The following ROR1 variants were observed in gnomAD, a reference collection of about 807,000 sequenced individuals.
ROR1 encodes the protein ROR family WNT receptor 1.
A neutral mutation model predicts 78.8 loss-of-function variants in ROR1; 19 were observed. That is an observed-to-expected ratio of 0.24 (90% CI 0.17 to 0.35). The LOEUF (loss-of-function observed/expected upper bound fraction) is 0.35. Ranked by LOEUF, ROR1 falls within the 10% of genes least tolerant of loss-of-function variation. The pLI, the probability that ROR1 is intolerant of heterozygous loss-of-function variation, is 1.00. For missense variants in ROR1, 917 were observed against 1,177.8 expected (o/e 0.78, Z 3.24); for synonymous variants, 386 against 433.6 (o/e 0.89, Z 1.36).
At chr1:63,863,204 T>G (rs1645192433) in intron 1 of ROR1, among the ~76,000 whole-genome samples, 1 of 152,196 alleles carries the variant, frequency 6.6e-6, no homozygotes, top group African/African-American at 2.4e-5. Context: ...AAATAATACC[T>G]TAGTAGAAGC....
chr1:63,858,923 T>C lies in ROR1; in HGVS notation c.91+84415T>C, dbSNP rs147810914. Among the ~76,000 whole-genome samples, 542 of 152,294 alleles carry C rather than the reference T, an allele frequency of 3.6e-3. 3 individuals carry two copies. The highest frequency in any genetic ancestry group is 0.013 in the African/African-American group (522 of 41,554). On this transcript the variant is annotated intron_variant, in intron 1 of 8. Transcript: ENST00000371079. ...GAATAAATGTGAATAAATCAATATA[T>C]TTATATAGTTACTGATTTAAATGTG...
At chr1:64,004,605 A>G (rs1646413286) in intron 1 of ROR1, among the ~76,000 whole-genome samples, 1 of 152,198 alleles carries the variant, frequency 6.6e-6, no homozygotes, top group African/African-American at 2.4e-5. Context: ...AACCTCACGC[A>G]TCACTGAATC....
intron 2 of ROR1, among the ~76,000 whole-genome samples, chr1:64,018,501 C>T (rs1646539277): frequency 6.6e-6 from 1 of 152,182 alleles, no homozygotes; most frequent in Non-Finnish European, 1.5e-5. Context: ...TGTTCCTCCC[C>T]ATGCCAGGTG....
rs550154662 is a variant in ROR1, at chr1:64,137,357, G to A, written c.483-12G>A. ...GGTGCATCAGCTAATGTCTGTCTAT[G>A]CTTTCTTTCAGAGATGAGTATGAAG... On this transcript the variant is annotated splice_polypyrimidine_tract_variant and intron_variant, in intron 4 of 8. Coordinates refer to ENST00000371079, the MANE Select transcript of ROR1 (RefSeq NM_005012.4). The A allele has an allele frequency of 1.9e-6, 3 of 1,613,712 alleles. No individual in the cohort carries two copies. The highest frequency in any genetic ancestry group is 1.7e-5 in the Admixed American group (1 of 60,000).
At chr1:63,829,686 G>A (rs1644974609) in intron 1 of ROR1, among the ~76,000 whole-genome samples, 2 of 152,194 alleles carry the variant, frequency 1.3e-5, no homozygotes, top group Non-Finnish European at 2.9e-5. Context: ...ACAGATAAGT[G>A]GATAGGGATG....
intron 1 of ROR1, among the ~76,000 whole-genome samples, chr1:63,950,964 G>A (rs547934879): frequency 7.2e-5 from 11 of 152,236 alleles, no homozygotes; most frequent in South Asian, 4.1e-4. Context: ...AACCTTCATC[G>A]AACAATACTC....
At chr1:63,802,465 C>A (rs1644803081) in intron 1 of ROR1, among the ~76,000 whole-genome samples, 1 of 152,116 alleles carries the variant, frequency 6.6e-6, no homozygotes, top group Non-Finnish European at 1.5e-5. Flanking sequence ...TTAATTTTTA[C>A]AATGCTCATG....
intron 1 of ROR1, among the ~76,000 whole-genome samples, chr1:63,885,070 C>CAGTG (rs929009824): frequency 2.6e-5 from 4 of 151,980 alleles, no homozygotes; most frequent in Non-Finnish European, 5.9e-5. Context: ...TGTAGGAGTT[C>CAGTG]AGTGGGTTAA....
chr1:63,959,136 G>A (rs764073839), intron 1 of ROR1, among the ~76,000 whole-genome samples: 1 of 152,182 alleles, frequency 6.6e-6, no homozygotes, highest in Non-Finnish European at 1.5e-5. Flanking sequence ...AAGCAAACAT[G>A]TCCTTCTTCA....
intron 1 of ROR1, chr1:63,843,121 G>T (rs1224873824): frequency 3.0e-6 from 2 of 670,256 alleles, no homozygotes; most frequent in African/African-American, 3.6e-5. Context: ...TGGGAGGAAG[G>T]GGACGGCCTG....
At chr1:64,046,394 G>C (rs758513209) in intron 2 of ROR1, among the ~76,000 whole-genome samples, 2 of 152,302 alleles carry the variant, frequency 1.3e-5, no homozygotes, top group South Asian at 2.1e-4. Context: ...TTGTGGCAAG[G>C]CTCCTTTGTT....
chr1:64,050,651 T>G (rs1646821223), intron 3 of ROR1, 35 bp from the exon 4 acceptor site: 1 of 1,607,858 alleles, frequency 6.2e-7, no homozygotes, highest in Non-Finnish European at 8.5e-7. Flanking sequence ...TAACCTAGAC[T>G]GACTGTTTCT....
intron 2 of ROR1, among the ~76,000 whole-genome samples, chr1:64,033,705 A>T (rs1163170047): frequency 1.3e-5 from 2 of 152,216 alleles, no homozygotes; most frequent in Admixed American, 6.5e-5. Flanking sequence ...TACTGTTCTA[A>T]GTACCTTAAG....
intron 1 of ROR1, among the ~76,000 whole-genome samples, chr1:63,817,182 CT>C (rs1557510993): frequency 6.6e-6 from 1 of 152,142 alleles, no homozygotes; most frequent in African/African-American, 2.4e-5. Flanking sequence ...TTCCTGCCTG[CT>C]TGTGCTTTTG....
In ROR1 at chr1:63,924,932, C is replaced by CTT. The variant is rs751680204; in HGVS notation, c.92-84350_92-84349dup. On this transcript the variant is annotated intron_variant, in intron 1 of 8. Transcript: ENST00000371079. The stretch of plus-strand genomic sequence containing the variant: ...GCGGATTGGACCAGCAAAGGGGATG[C>CTT]TTTTTTTTTTTTTTTTTTTTTTTTA... Among the ~76,000 whole-genome samples, 431 of 85,004 alleles carry CTT rather than the reference C, an allele frequency of 5.1e-3. 5 individuals are homozygous for CTT. The highest frequency in any genetic ancestry group is 0.013 in the African/African-American group (335 of 25,518). 55.8% of individuals were successfully genotyped at this position (85,004 alleles called of 152,430 possible).
intron 1 of ROR1, among the ~76,000 whole-genome samples, chr1:63,818,023 A>G (rs2819144): frequency 0.025 from 3,830 of 152,294 alleles, 167 homozygotes; most frequent in African/African-American, 0.088. Context: ...ACATATGCAT[A>G]TTCAGCCTTT....
At chr1:64,053,064 C>T (rs986865858) in intron 4 of ROR1, among the ~76,000 whole-genome samples, 18 of 152,146 alleles carry the variant, frequency 1.2e-4, no homozygotes, top group African/African-American at 4.3e-4. Context: ...TGGGGAATAT[C>T]ATAACATTGA....
At chr1:63,852,057 A>G (rs554618551) in intron 1 of ROR1, among the ~76,000 whole-genome samples, 8 of 152,404 alleles carry the variant, frequency 5.2e-5, no homozygotes, top group Non-Finnish European at 1.2e-4. Context: ...CCAAAGGCAT[A>G]TGACAAATCC....
chr1:63,949,955 C>T lies in ROR1; in HGVS notation c.92-59350C>T, dbSNP rs565196170. Among the ~76,000 whole-genome samples the T allele has an allele frequency of 2.6e-5, 4 of 152,184 alleles. No individual in the cohort carries two copies. The East Asian group carries it at 7.7e-4, about 29-fold the overall frequency. ...TCTGGGTTGGTCCAGTTGTCTTGAC[C>T]TTCGTTTTGTAAGTATCTTGAAGAT... On this transcript the variant is annotated intron_variant, in intron 1 of 8. Transcript: ENST00000371079.
Sources: allele counts gnomAD v4.1 joint callset (sites outside exome capture counted in the v4.1 genomes callset), GRCh38; gene constraint gnomAD v4.1.1; transcripts MANE v1.5; gene names NCBI Gene and HGNC (gene_info 2026-07-23, HGNC 2026-07-21).